Variants in PCDHA2 observed in about 807,000 individuals in gnomAD.
The protein encoded by PCDHA2 is protocadherin alpha-2.
Under a neutral mutation model 66.0 loss-of-function variants are expected in PCDHA2, and 58 were observed. The ratio of observed to expected loss-of-function variants is 0.88; its 90% CI spans 0.71 to 1.09. The LOEUF (loss-of-function observed/expected upper bound fraction) is 1.09, where lower values mean the gene tolerates loss of function less well. PCDHA2 is among the 50% of genes least tolerant of loss of function. PCDHA2 has a pLI of 0.00. For synonymous variants in PCDHA2, 634 were observed against 554.0 expected (o/e 1.14, Z -2.03); for missense variants, 1,267 against 1,242.3 (o/e 1.02, Z -0.30).
chr5:140,833,072 T>G (rs1212811880), intron 1 of PCDHA2, among the ~76,000 whole-genome samples: 2 of 152,190 alleles, frequency 1.3e-5, no homozygotes, highest in African/African-American at 4.8e-5. Flanking sequence ...AAACCTTTTG[T>G]ATAACTTTGA....
chr5:140,850,123 C>A (rs2150468826), intron 1 of PCDHA2: 9 of 1,595,920 alleles, frequency 5.6e-6, no homozygotes, highest in African/African-American at 2.7e-5. Context: ...GCGGGCGTGC[C>A]GCCTCTGGGC....
At chr5:140,822,729 T>C in intron 1 of PCDHA2, 1 of 1,613,080 alleles carries the variant, frequency 6.2e-7, no homozygotes, top group South Asian at 1.1e-5. Context: ...ATGAAATTAA[T>C]ATTGATGCCA....
At chr5:140,822,128 T>C in intron 1 of PCDHA2, 1 of 1,614,264 alleles carries the variant, frequency 6.2e-7, no homozygotes, top group South Asian at 1.1e-5. Flanking sequence ...GTTTTCCATG[T>C]GGAGGTGGCA....
chr5:140,850,244 G>C, intron 1 of PCDHA2: 1 of 1,593,676 alleles, frequency 6.3e-7, no homozygotes, highest in Non-Finnish European at 8.6e-7. Flanking sequence ...TGGTGCTGCG[G>C]TCGGTGGGCG....
chr5:140,797,000 C>T lies in PCDHA2; in HGVS notation c.2036C>T (p.Ser679Leu), dbSNP rs868983701. ...LVESGQAPKA[S>L]SRAWVGAAGS... ...GAAAGTGGCCAGGCACCCAAGGCCT[C>T]GTCGCGGGCGTGGGTGGGCGCCGCG... The change falls in exon 1 of 4, where the codon TCG becomes TTG. Residue 679 changes from serine (S) to leucine (L), a missense_variant. Physicochemically the swap from Ser to Leu is moderately radical, Grantham distance 145. Coordinates refer to ENST00000526136, the MANE Select transcript of PCDHA2 (RefSeq NM_018905.3). 4 of 1,613,638 alleles carry T rather than the reference C, an allele frequency of 2.5e-6. No homozygotes were observed. In the Admixed American group the frequency reaches 5.0e-5, roughly 20 times the overall value.
intron 1 of PCDHA2, among the ~76,000 whole-genome samples, chr5:140,840,645 G>A (rs1346934445): frequency 2.6e-5 from 4 of 152,068 alleles, no homozygotes; most frequent in Middle Eastern, 3.4e-3. Context: ...TAGAGAAATA[G>A]TGTAAAGAAT....
chr5:140,851,612 A>G, intron 1 of PCDHA2: 1 of 921,118 alleles, frequency 1.1e-6, no homozygotes, highest in Non-Finnish European at 1.3e-6. Context: ...GAAATTGGAG[A>G]AAATGCTTTT....
chr5:140,858,097 G>A (rs2045175006), intron 1 of PCDHA2: 1 of 1,597,732 alleles, frequency 6.3e-7, no homozygotes, highest in Non-Finnish European at 8.6e-7. Context: ...GGGCTTCAGT[G>A]GGCGTGGCGC....
chr5:141,001,850 T>G (rs2098040443), intron 3 of PCDHA2, among the ~76,000 whole-genome samples: 1 of 152,164 alleles, frequency 6.6e-6, no homozygotes, highest in Admixed American at 6.5e-5. Context: ...AGAGAGAGGT[T>G]GATTAAATTG....
intron 1 of PCDHA2, chr5:140,825,426 T>C (rs1234497621): frequency 6.8e-6 from 1 of 147,558 alleles, no homozygotes; most frequent in Non-Finnish European, 1.5e-5. Flanking sequence ...ATATATATAA[T>C]AAATATATAA....
chr5:140,809,118 G>A, intron 1 of PCDHA2: 19 of 1,613,968 alleles, frequency 1.2e-5, no homozygotes, highest in Non-Finnish European at 1.4e-5. Context: ...GACGCTCCGC[G>A]CCACCGCCTA....
intron 1 of PCDHA2, among the ~76,000 whole-genome samples, chr5:140,973,873 G>A (rs546928847): frequency 3.3e-5 from 5 of 152,292 alleles, no homozygotes; most frequent in African/African-American, 1.2e-4. Flanking sequence ...TGAGAGGTCA[G>A]AATAATGTCA....
intron 1 of PCDHA2, among the ~76,000 whole-genome samples, chr5:140,955,031 A>C (rs782110698): frequency 6.6e-6 from 1 of 152,166 alleles, no homozygotes; most frequent in Non-Finnish European, 1.5e-5. Flanking sequence ...TAAATAGGGA[A>C]TCTTTTCCTC....
chr5:140,802,469 G>A, intron 1 of PCDHA2: 1 of 1,614,220 alleles, frequency 6.2e-7, no homozygotes, highest in Non-Finnish European at 8.5e-7. Flanking sequence ...ATGAGCTGGT[G>A]GTGACTGCTC....
Position 140,802,481 on chromosome 5 carries a change from G to A in PCDHA2, c.2388+5129G>A, listed in dbSNP as rs782571599. On this transcript the variant is annotated intron_variant, in intron 1 of 3. Transcript: ENST00000526136. ...CCTATGAGCTGGTGGTGACTGCTCG[G>A]GACGGGGGCTCGCCTTCACTGTGGG... 9 of 1,614,196 alleles carry A rather than the reference G, an allele frequency of 5.6e-6. No individual in the cohort carries two copies. In the East Asian group the frequency reaches 8.9e-5, roughly 16 times the overall value.
At chr5:140,996,389 A>G (rs543903221) in intron 3 of PCDHA2, among the ~76,000 whole-genome samples, 3 of 152,328 alleles carry the variant, frequency 2.0e-5, no homozygotes, top group Admixed American at 1.3e-4. Context: ...ATAATGCCTC[A>G]TAGAGTTTCA....
chr5:140,972,294 C>T (rs944183626), intron 1 of PCDHA2, among the ~76,000 whole-genome samples: 14 of 151,458 alleles, frequency 9.2e-5, no homozygotes, highest in South Asian at 2.1e-4. Context: ...TGTGCGCCAC[C>T]GTGTCTGACT....
intron 1 of PCDHA2, among the ~76,000 whole-genome samples, chr5:140,872,655 G>A (rs1474105243): frequency 6.6e-6 from 1 of 152,046 alleles, no homozygotes; most frequent in African/African-American, 2.4e-5. Context: ...CAAGAGATTT[G>A]TCAACTATTG....
chr5:140,850,803 A>C, intron 1 of PCDHA2: 1 of 1,598,380 alleles, frequency 6.3e-7, no homozygotes, highest in African/African-American at 1.3e-5. Flanking sequence ...GACCGACCTC[A>C]TGGCCTTCAG....
Sources: allele counts gnomAD v4.1 joint callset (sites outside exome capture counted in the v4.1 genomes callset), GRCh38; gene constraint gnomAD v4.1.1; transcripts MANE v1.5; gene names NCBI Gene and HGNC (gene_info 2026-07-23, HGNC 2026-07-21).